The following CD300LD variants were observed in gnomAD, a reference collection of about 807,000 sequenced individuals.
CD300LD encodes the protein CMRF35-like molecule 5.
CD300LD carries 18 observed loss-of-function variants against 20.3 expected under a neutral mutation model. The observed-to-expected ratio is 0.89, with a 90% CI of 0.61 to 1.32. CD300LD has a LOEUF of 1.32. Among genes scored for constraint, CD300LD ranks in the 40% most tolerant of loss-of-function variants. The probability of loss-of-function intolerance (pLI) is 0.00; values close to 1 mark genes in which losing one functional copy is unlikely to be tolerated. For synonymous variants in CD300LD, 104 were observed against 90.1 expected, an observed-to-expected ratio of 1.15 and a Z score of -0.87; for missense variants, 195 against 226.6, an observed-to-expected ratio of 0.86 and a Z score of 0.90.
At chr17:74,585,628 C>T (rs1417414588) in intron 2 of CD300LD, among the ~76,000 whole-genome samples, 3 of 152,186 alleles carry the variant, frequency 2.0e-5, no homozygotes, top group Non-Finnish European at 4.4e-5. Context: ...TGAACACACC[C>T]CACTACAGTT....
chr17:74,582,245 G>C lies in CD300LD; in HGVS notation c.446C>G (p.Thr149Ser). Residue 149 changes from threonine (T) to serine (S), a missense_variant, in exon 3 of 4, where the codon ACC (threonine) becomes AGC (serine). Coordinates refer to ENST00000375352, the MANE Select transcript of CD300LD (RefSeq NM_001115152.2). The stretch of plus-strand genomic sequence containing the variant: ...GGTGAGGGGGCTGCTGGTCTTCTGG[G>C]TGGCTGCAGCTGTGAAAGCCAGGCT... ...TASLAFTAAA[T>S]QKTSSPLTRS... 1.2e-6 allele frequency: 2 copies of C among 1,613,908 alleles called. No homozygotes were observed. The highest frequency in any genetic ancestry group is 2.7e-5 in the African/African-American group (2 of 75,026).
rs769087529 is a variant in CD300LD, at chr17:74,580,014, T to G, written c.573A>C (p.Gln191His). The G allele has an allele frequency of 5.0e-6, 8 of 1,609,966 alleles. No homozygotes were observed. Among genetic ancestry groups the G allele is most frequent in the Non-Finnish European group, 6.8e-6 (8 of 1,177,594 alleles). ...GACTCCTCCTCCTTCAAGACCTTCT[T>G]TGTGGTCTGTTTACCCAGAGGACGG... ...LGTVLWVNRP[Q>H]RRS The change falls in exon 4 of 4, where the codon CAA becomes CAC. Residue 191 changes from glutamine to histidine, a missense_variant. Coordinates refer to ENST00000375352, the MANE Select transcript of CD300LD (RefSeq NM_001115152.2).
At chr17:74,586,033 G>A (rs1318868921) in intron 2 of CD300LD, among the ~76,000 whole-genome samples, 1 of 152,170 alleles carries the variant, frequency 6.6e-6, no homozygotes, top group Non-Finnish European at 1.5e-5. Flanking sequence ...TATCATGTAA[G>A]GGTGGCCAAT....
chr17:74,586,334 T>C (rs1486698630), intron 2 of CD300LD, among the ~76,000 whole-genome samples: 1 of 152,150 alleles, frequency 6.6e-6, no homozygotes. Flanking sequence ...AATGTTATAA[T>C]TGTGGAAAAA....
At position 74,588,770 on chromosome 17, in the gene CD300LD, A is replaced by C; in HGVS notation, c.120T>G (p.Ala40=). The C allele has an allele frequency of 6.2e-7, 1 of 1,614,244 alleles. No homozygotes were observed. The highest frequency in any genetic ancestry group is 8.5e-7 in the Non-Finnish European group (1 of 1,180,044). The change falls in exon 2 of 4, where the codon GCT becomes GCG. Residue 40 remains alanine (A), a synonymous_variant. Coordinates refer to ENST00000375352, the MANE Select transcript of CD300LD (RefSeq NM_001115152.2). ...AGTAGGTCTCCCAGCCTGAGCCATA[A>C]GCACACTGCACAGTCAATGAGCCCT... The part of the protein sequence containing the change: ...SEQGSLTVQC[A]YGSGWETYLK...
chr17:74,588,709 A>G lies in CD300LD; in HGVS notation c.181T>C (p.Cys61Arg). Residue 61 changes from cysteine to arginine, a missense_variant, in exon 2 of 4, where the codon TGT becomes CGT. Coordinates refer to ENST00000375352, the MANE Select transcript of CD300LD (RefSeq NM_001115152.2). ...CCATTTGTTTTAACAAGGATGTTAC[A>G]GTAATTCCAATCAGCTCCTTGACAC... is the stretch of plus-strand genomic sequence containing the variant. ...WRCQGADWNY[C>R]NILVKTNGSE... The G allele has an allele frequency of 6.2e-7, 1 of 1,614,212 alleles. No individual in the cohort carries two copies. The highest frequency in any genetic ancestry group is 8.5e-7 in the Non-Finnish European group (1 of 1,180,028).
At position 74,580,079 on chromosome 17, in the gene CD300LD, A is replaced by G; in HGVS notation, c.508T>C (p.Phe170Leu). 1 of 1,612,746 alleles carries G rather than the reference A, an allele frequency of 6.2e-7. No individual in the cohort carries two copies. The highest frequency in any genetic ancestry group is 8.5e-7 in the Non-Finnish European group (1 of 1,179,242). Reference protein sequence around the residue: ...PLKSTHFLFLFLLELPLLLSM... With the variant: ...PLKSTHFLFLLLLELPLLLSM... ...AGGAGCAGAGGCAGCTCCAGGAGGA[A>G]CAGGAACAGGAAGTGGGTGCTCTTG... Residue 170 changes from phenylalanine to leucine, a missense_variant, in exon 4 of 4, where the codon TTC (phenylalanine) becomes CTC (leucine). Phe to Leu is a conservative substitution (Grantham distance 22). Coordinates refer to ENST00000375352, the MANE Select transcript of CD300LD (RefSeq NM_001115152.2).
chr17:74,581,281 T>C (rs532350090), intron 3 of CD300LD, among the ~76,000 whole-genome samples: 19 of 147,272 alleles, frequency 1.3e-4, no homozygotes, highest in Admixed American at 2.7e-4. Context: ...AAAAACAGAG[T>C]TGAACTGCAG....
At chr17:74,579,034 G>A (rs945170712), downstream of CD300LD, among the ~76,000 whole-genome samples, 1 of 152,230 alleles carries the variant, frequency 6.6e-6, no homozygotes, top group Non-Finnish European at 1.5e-5. Context: ...AAAGAGGTAA[G>A]AAAATGTAAC....
At position 74,582,268 on chromosome 17, in the gene CD300LD, G is replaced by T. The variant is rs745564152; in HGVS notation, c.423C>A (p.Ser141Arg). Residue 141 changes from serine to arginine, a missense_variant, in exon 3 of 4, where the codon AGC becomes AGA. Ser to Arg is a moderately radical substitution (Grantham distance 110, BLOSUM62 -1). Transcript: ENST00000375352. ...AVSEWTTTTA[S>R]LAFTAAATQK... ...GGGTGGCTGCAGCTGTGAAAGCCAG[G>T]CTTGCTGTTGTGGTTGTCCATTCTG... 2 of 1,613,854 alleles carry T rather than the reference G, an allele frequency of 1.2e-6. No homozygotes were observed. The highest frequency in any genetic ancestry group is 2.2e-5 in the East Asian group (1 of 44,858).
chr17:74,591,207 A>G (rs1406943555), intron 1 of CD300LD, among the ~76,000 whole-genome samples: 1 of 150,916 alleles, frequency 6.6e-6, no homozygotes, highest in East Asian at 1.9e-4. Flanking sequence ...TGAGCCCAGG[A>G]GTTTGAGACC....
chr17:74,586,914 C>T (rs996678067), intron 2 of CD300LD, among the ~76,000 whole-genome samples: 7 of 152,166 alleles, frequency 4.6e-5, no homozygotes, highest in Non-Finnish European at 1.0e-4. Context: ...TATTACCTGC[C>T]AGTTACACCC....
intron 2 of CD300LD, among the ~76,000 whole-genome samples, chr17:74,585,844 A>AATC: frequency 6.6e-6 from 1 of 152,230 alleles, no homozygotes; most frequent in Middle Eastern, 3.2e-3. Flanking sequence ...GGCTAGACAG[A>AATC]ATCATGCTGC....
intron 3 of CD300LD, 98 bp from the exon 4 acceptor site, chr17:74,580,211 T>A (rs1461274879): frequency 7.3e-6 from 6 of 817,426 alleles, no homozygotes; most frequent in Non-Finnish European, 1.0e-5. Context: ...AATGTCTATG[T>A]GAGGGTAAGC....
At chr17:74,584,115 C>T (rs1598128438) in intron 2 of CD300LD, among the ~76,000 whole-genome samples, 1 of 152,132 alleles carries the variant, frequency 6.6e-6, no homozygotes, top group Non-Finnish European at 1.5e-5. Flanking sequence ...TTTGCTATTA[C>T]AAATAAAGCT....
chr17:74,591,472 A>G (rs192388199), intron 1 of CD300LD, among the ~76,000 whole-genome samples: 7 of 152,158 alleles, frequency 4.6e-5, no homozygotes, highest in African/African-American at 1.4e-4. Context: ...AATCCTTGGG[A>G]AAAAGGTTTG....
chr17:74,586,110 A>G (rs2030152381), intron 2 of CD300LD, among the ~76,000 whole-genome samples: 1 of 152,218 alleles, frequency 6.6e-6, no homozygotes, highest in Non-Finnish European at 1.5e-5. Flanking sequence ...GGCTACAGAA[A>G]TGCTAACCTT....
rs779770300 is a variant in CD300LD, at chr17:74,582,333, C to T, written c.380-22G>A. On this transcript the variant is annotated intron_variant, in intron 2 of 3. Coordinates refer to ENST00000375352, the MANE Select transcript of CD300LD (RefSeq NM_001115152.2). Reference sequence around the variant, plus strand: ...GTGCCTAAACATACAAAGCAGAACACGGTTCACCCCTTCCATGGATGGCCC... The same window carrying T: ...GTGCCTAAACATACAAAGCAGAACATGGTTCACCCCTTCCATGGATGGCCC... The T allele has an allele frequency of 4.0e-5, 64 of 1,600,390 alleles. No homozygotes were observed. The Middle Eastern group carries it at 8.3e-4, about 21-fold the overall frequency.
chr17:74,590,972 G>T (rs1390672390), intron 1 of CD300LD, among the ~76,000 whole-genome samples: 8 of 152,046 alleles, frequency 5.3e-5, no homozygotes, highest in Non-Finnish European at 1.2e-4. Flanking sequence ...TCACTCAGGA[G>T]GCTGAGGTGG....
Sources: gnomAD v4.1 joint callset for allele counts (sites outside exome capture counted in the v4.1 genomes callset) on GRCh38, gnomAD v4.1.1 for gene constraint, MANE v1.5 for transcripts, NCBI Gene and HGNC (gene_info 2026-07-23, HGNC 2026-07-21) for gene names.